The following CELF2 variants were observed in gnomAD, a reference collection of about 807,000 sequenced individuals.
CELF2 encodes the protein CUGBP Elav-like family member 2.
Under a neutral mutation model 62.6 loss-of-function variants are expected in CELF2, and 8 were observed. That is an observed-to-expected ratio of 0.13 (90% CI 0.07 to 0.23). The LOEUF (loss-of-function observed/expected upper bound fraction) is 0.23. CELF2 is among the 10% of genes least tolerant of loss of function. The probability of loss-of-function intolerance (pLI) is 1.00; values close to 1 mark genes in which losing one functional copy is unlikely to be tolerated. For synonymous variants in CELF2, 258 were observed against 250.0 expected (o/e 1.03, Z -0.30); for missense variants, 333 against 671.0 (o/e 0.50, Z 5.56).
chr10:10,865,174 C>A (rs1007128089), intron 1 of CELF2, among the ~76,000 whole-genome samples: 2 of 152,128 alleles, frequency 1.3e-5, no homozygotes, highest in South Asian at 2.1e-4. Context: ...TTCTCCTGCT[C>A]TCGTAGAAAA....
At chr10:11,082,241 C>G (rs2074218475) in intron 1 of CELF2, among the ~76,000 whole-genome samples, 1 of 152,196 alleles carries the variant, frequency 6.6e-6, no homozygotes, top group Admixed American at 6.5e-5. Context: ...AAATGGTATC[C>G]TGCTTCTAGC....
At chr10:10,696,546 C>A in the CELF2 span, among the ~76,000 whole-genome samples, 5 of 151,200 alleles carry the variant, frequency 3.3e-5, no homozygotes, top group East Asian at 5.8e-4. Flanking sequence ...TCGAGCTTCC[C>A]TGCTGCTTTG....
At chr10:10,573,412 A>C in the CELF2 span, among the ~76,000 whole-genome samples, 1 of 152,160 alleles carries the variant, frequency 6.6e-6, no homozygotes, top group Non-Finnish European at 1.5e-5. Context: ...TTCATCATGA[A>C]ATCTTTGCCT....
At chr10:10,551,909 C>A in the CELF2 span, among the ~76,000 whole-genome samples, 1 of 152,036 alleles carries the variant, frequency 6.6e-6, no homozygotes, top group Non-Finnish European at 1.5e-5. Context: ...TTTAGAGGGC[C>A]GCATGCTGCT....
chr10:11,287,795 C>T (rs2091705884), intron 8 of CELF2, among the ~76,000 whole-genome samples: 1 of 152,212 alleles, frequency 6.6e-6, no homozygotes, highest in South Asian at 2.1e-4. Flanking sequence ...AAGTAATTTG[C>T]TTTCATCATC....
chr10:10,779,345 A>G, the CELF2 span, among the ~76,000 whole-genome samples: 2 of 152,342 alleles, frequency 1.3e-5, no homozygotes, highest in Middle Eastern at 3.4e-3. Flanking sequence ...AAGACTAAAT[A>G]TGAGGACCCT....
At position 11,319,686 on chromosome 10, in the gene CELF2, C is replaced by T. The variant is rs376303951; in HGVS notation, c.1097-1503C>T. ...ACTCCATTCTCACGCCATTCACACT[C>T]GTCTCGCCACCCCTGCTTGGTGTCT... is the stretch of plus-strand genomic sequence containing the variant. On this transcript the variant is annotated intron_variant, in intron 10 of 12. Transcript: ENST00000633077. The surrounding 1 kb of genome is among the most constrained non-coding windows in gnomAD (Gnocchi z 4.4). 73 of 434,682 alleles carry T rather than the reference C, an allele frequency of 1.7e-4. 1 individual carries two copies. The highest frequency in any genetic ancestry group is 1.2e-3 in the African/African-American group (59 of 49,668). The allele number at this position is 434,682 out of a possible 1,614,324, so 26.9% of individuals were successfully genotyped here.
At chr10:11,099,460 TTTC>T (rs1268295413) in intron 1 of CELF2, among the ~76,000 whole-genome samples, 6 of 152,216 alleles carry the variant, frequency 3.9e-5, no homozygotes, top group Non-Finnish European at 8.8e-5. Flanking sequence ...GGTCGATTCT[TTTC>T]TTCTTCTGTT....
chr10:10,475,361 C>A, the CELF2 span, among the ~76,000 whole-genome samples: 1 of 151,888 alleles, frequency 6.6e-6, no homozygotes, highest in Non-Finnish European at 1.5e-5. Flanking sequence ...TTCTAACACA[C>A]CAATCTGCCC....
chr10:10,546,163 A>G, the CELF2 span, among the ~76,000 whole-genome samples: 3 of 152,364 alleles, frequency 2.0e-5, no homozygotes, highest in East Asian at 5.8e-4. Context: ...TGCTGAGGTT[A>G]CATATCCCTC....
intron 1 of CELF2, among the ~76,000 whole-genome samples, chr10:11,085,360 T>TAA (rs2046411832): frequency 1.3e-5 from 2 of 152,202 alleles, no homozygotes; most frequent in African/African-American, 2.4e-5. Flanking sequence ...TTTTATACCA[T>TAA]AATCCTGTTC....
the CELF2 span, among the ~76,000 whole-genome samples, chr10:10,677,381 G>A: frequency 1.3e-5 from 2 of 152,184 alleles, no homozygotes; most frequent in Non-Finnish European, 2.9e-5. Context: ...GCCCCTTTTG[G>A]AAAGGTAGAA....
intron 1 of CELF2, among the ~76,000 whole-genome samples, chr10:11,124,695 C>T (rs1211664487): frequency 6.6e-6 from 1 of 152,146 alleles, no homozygotes; most frequent in Non-Finnish European, 1.5e-5. Context: ...AAGTTCTAAG[C>T]GTACAAGGTA....
chr10:11,081,223 T>C (rs930329610), intron 1 of CELF2, among the ~76,000 whole-genome samples: 1 of 152,186 alleles, frequency 6.6e-6, no homozygotes, highest in Admixed American at 6.5e-5. Context: ...CAGCTAAAAA[T>C]GTAAGATTTT....
chr10:10,647,061 C>T, the CELF2 span, among the ~76,000 whole-genome samples: 1 of 152,164 alleles, frequency 6.6e-6, no homozygotes, highest in Non-Finnish European at 1.5e-5. Flanking sequence ...TCACATACTC[C>T]TCCTTTCCTT....
At chr10:11,222,480 C>T (rs946138464) in intron 3 of CELF2, among the ~76,000 whole-genome samples, 16 of 152,124 alleles carry the variant, frequency 1.1e-4, no homozygotes, top group African/African-American at 3.1e-4. Flanking sequence ...GGAAAACAAC[C>T]GAAACATCTG....
At chr10:10,737,901 G>A in the CELF2 span, among the ~76,000 whole-genome samples, 144 of 152,324 alleles carry the variant, frequency 9.5e-4, no homozygotes, top group African/African-American at 3.3e-3. Context: ...GACTTCCAAT[G>A]GCCTCCTGCA....
the CELF2 span, among the ~76,000 whole-genome samples, chr10:10,505,408 C>A: frequency 5.3e-5 from 8 of 152,102 alleles, no homozygotes. Flanking sequence ...GATGAAAGTT[C>A]TGACTCTCCA....
At chr10:10,590,434 C>T in the CELF2 span, among the ~76,000 whole-genome samples, 1 of 152,186 alleles carries the variant, frequency 6.6e-6, no homozygotes, top group African/African-American at 2.4e-5. Flanking sequence ...GAATTATCAG[C>T]CCCAACTGGA....
Sources: gnomAD v4.1 joint callset for allele counts (sites outside exome capture counted in the v4.1 genomes callset) on GRCh38, gnomAD v4.1.1 for gene constraint, Gnocchi (gnomAD v3.1) non-coding constraint, MANE v1.5 for transcripts, NCBI Gene and HGNC (gene_info 2026-07-23, HGNC 2026-07-21) for gene names.